The following SNX29 variants were observed in gnomAD, a reference collection of about 807,000 sequenced individuals.
The protein encoded by SNX29 is sorting nexin-29.
SNX29 carries 78 observed loss-of-function variants against 102.1 expected under a neutral mutation model. That is an observed-to-expected ratio of 0.76 (90% CI 0.64 to 0.92). The LOEUF (loss-of-function observed/expected upper bound fraction) is 0.92. SNX29 is among the 40% of genes least tolerant of loss of function. SNX29 has a pLI of 0.00. For missense variants in SNX29, 1,280 were observed against 1,061.7 expected (o/e 1.21, Z -2.86); for synonymous variants, 580 against 414.5 (o/e 1.40, Z -4.85).
intron 11 of SNX29, among the ~76,000 whole-genome samples, chr16:12,081,057 A>G (rs762431039): frequency 6.6e-5 from 10 of 152,168 alleles, no homozygotes; most frequent in Non-Finnish European, 8.8e-5. Context: ...TTATCTCACT[A>G]CTGTAAATGG....
chr16:12,347,078 C>G (rs958862004), intron 15 of SNX29, among the ~76,000 whole-genome samples: 3 of 152,186 alleles, frequency 2.0e-5, no homozygotes, highest in Non-Finnish European at 4.4e-5. Flanking sequence ...TGTGTGTAAG[C>G]ATTACCTCTT....
chr16:12,566,208 G>C (rs1335907170), intron 20 of SNX29, among the ~76,000 whole-genome samples: 1 of 152,190 alleles, frequency 6.6e-6, no homozygotes, highest in East Asian at 1.9e-4. Context: ...CACAGTACTA[G>C]GATATGCTTA....
At chr16:12,455,033 C>T (rs1399527257) in intron 18 of SNX29, among the ~76,000 whole-genome samples, 1 of 152,212 alleles carries the variant, frequency 6.6e-6, no homozygotes, top group African/African-American at 2.4e-5. Flanking sequence ...CAGGCATGAG[C>T]CATCACGCCT....
intron 13 of SNX29, among the ~76,000 whole-genome samples, chr16:12,171,449 G>T (rs1332120861): frequency 1.3e-5 from 2 of 152,226 alleles, no homozygotes; most frequent in African/African-American, 4.8e-5. Context: ...TTCAGCAGAA[G>T]ATTCTCACGT....
At chr16:12,265,445 C>T (rs79992595) in intron 14 of SNX29, among the ~76,000 whole-genome samples, 24 of 152,064 alleles carry the variant, frequency 1.6e-4, no homozygotes, top group Non-Finnish European at 1.0e-4. Context: ...GGAAGCGAGA[C>T]GCAGCTTCGA....
At chr16:12,143,153 A>G (rs995163791) in intron 13 of SNX29, among the ~76,000 whole-genome samples, 3 of 151,856 alleles carry the variant, frequency 2.0e-5, no homozygotes, top group Non-Finnish European at 4.4e-5. Flanking sequence ...ATGCGCCACC[A>G]TGCCCGGCTA....
At chr16:12,284,604 G>A (rs1024639191) in intron 15 of SNX29, among the ~76,000 whole-genome samples, 22 of 152,150 alleles carry the variant, frequency 1.4e-4, no homozygotes, top group African/African-American at 5.1e-4. Context: ...TTGGGAGGCC[G>A]TTTATTCAAT....
At chr16:12,507,898 C>T (rs944725221) in intron 19 of SNX29, among the ~76,000 whole-genome samples, 4 of 152,176 alleles carry the variant, frequency 2.6e-5, no homozygotes, top group African/African-American at 4.8e-5. Flanking sequence ...ACGGTCAAGG[C>T]CAAGTCAAGG....
chr16:12,027,255 C>A (rs892837767), intron 3 of SNX29, 65 bp from the exon 4 acceptor site: 11 of 1,596,582 alleles, frequency 6.9e-6, no homozygotes, highest in African/African-American at 1.3e-5. Flanking sequence ...CCTGGAGATG[C>A]TGGGGCCGCC....
chr16:12,530,904 G>A (rs2076914245), intron 20 of SNX29, among the ~76,000 whole-genome samples: 1 of 152,126 alleles, frequency 6.6e-6, no homozygotes, highest in South Asian at 2.1e-4. Context: ...AAAGGTAATA[G>A]TATCCACCGT....
At chr16:12,389,360 C>T (rs759515184) in intron 16 of SNX29, among the ~76,000 whole-genome samples, 9 of 152,130 alleles carry the variant, frequency 5.9e-5, no homozygotes, top group East Asian at 1.9e-4. Context: ...AATCGAATCA[C>T]GGGGGCGGTT....
chr16:12,541,083 C>G (rs2077313960), intron 20 of SNX29, among the ~76,000 whole-genome samples: 1 of 152,172 alleles, frequency 6.6e-6, no homozygotes. Context: ...CTAGCTGCCT[C>G]ATGCATCCAC....
intron 12 of SNX29, among the ~76,000 whole-genome samples, chr16:12,127,242 G>C (rs927868004): frequency 1.3e-5 from 2 of 149,708 alleles, no homozygotes; most frequent in African/African-American, 4.9e-5. Context: ...CTGGGTGACA[G>C]AGCGAGCCTC....
Position 12,052,223 on chromosome 16 carries a change from G to A in SNX29, c.1124+1G>A. On this transcript the variant is annotated splice_donor_variant, in intron 8 of 20. Transcript: ENST00000566228. LOFTEE classifies it high-confidence loss of function. ...GGGGCCACTCGGAGTCGCCCGAGAA[G>A]TAAGTTTGTGTGTAAGGTGGAGTCT... is the stretch of plus-strand genomic sequence containing the variant. The A allele has an allele frequency of 6.2e-7, 1 of 1,613,770 alleles. No individual in the cohort carries two copies. Among genetic ancestry groups the A allele is most frequent in the Non-Finnish European group, 8.5e-7 (1 of 1,179,810 alleles).
At chr16:12,192,951 C>T (rs767167352) in intron 13 of SNX29, among the ~76,000 whole-genome samples, 9 of 152,174 alleles carry the variant, frequency 5.9e-5, no homozygotes, top group Non-Finnish European at 1.0e-4. Context: ...ATCCACCTGC[C>T]TCGGCCTCCC....
chr16:12,564,313 C>T lies in SNX29; in HGVS notation c.2319-4193C>T, dbSNP rs547001544. On this transcript the variant is annotated intron_variant, in intron 20 of 20. Transcript: ENST00000566228. ...CTATGAAGTTGCTGGCTAGACTTCACTAGTGTCTCTTACCTTATTTCAGTC... is the reference window on the plus strand; with the variant it reads ...CTATGAAGTTGCTGGCTAGACTTCATTAGTGTCTCTTACCTTATTTCAGTC... Among the ~76,000 whole-genome samples the T allele has an allele frequency of 1.3e-5, 2 of 152,208 alleles. 1 individual carries two copies. The highest frequency in any genetic ancestry group is 2.9e-5 in the Non-Finnish European group (2 of 68,030).
At chr16:12,102,169 A>G (rs1411016280) in intron 11 of SNX29, among the ~76,000 whole-genome samples, 1 of 152,134 alleles carries the variant, frequency 6.6e-6, no homozygotes, top group African/African-American at 2.4e-5. Context: ...TCTATCATTG[A>G]TGGGCATTTG....
At chr16:12,124,048 T>C (rs1415551216) in intron 11 of SNX29, among the ~76,000 whole-genome samples, 2 of 152,046 alleles carry the variant, frequency 1.3e-5, no homozygotes, top group Non-Finnish European at 2.9e-5. Flanking sequence ...TATTCAAAGG[T>C]AGATCTGATT....
At chr16:12,109,152 A>AAAAAAAG (rs1432413371) in intron 11 of SNX29, among the ~76,000 whole-genome samples, 1 of 151,080 alleles carries the variant, frequency 6.6e-6, no homozygotes, top group African/African-American at 2.4e-5. Flanking sequence ...AAAAAAAAAA[A>AAAAAAAG]AAAGAAAAGG....
Sources: gnomAD v4.1 joint callset for allele counts (sites outside exome capture counted in the v4.1 genomes callset) on GRCh38, gnomAD v4.1.1 for gene constraint, MANE v1.5 for transcripts, NCBI Gene and HGNC (gene_info 2026-07-23, HGNC 2026-07-21) for gene names.